Variants in NCOR2 observed in about 807,000 individuals in gnomAD.
NCOR2 encodes the protein CTG repeat protein 26.
Under a neutral mutation model 262.9 loss-of-function variants are expected in NCOR2, and 81 were observed. That is an observed-to-expected ratio of 0.31 (90% CI 0.26 to 0.37). The LOEUF is 0.37. Ranked by LOEUF, NCOR2 falls within the 10% of genes least tolerant of loss-of-function variation. The pLI is 1.00. For synonymous variants in NCOR2, 1,659 were observed against 1,559.3 expected, an observed-to-expected ratio of 1.06 and a Z score of -1.51; for missense variants, 3,385 against 3,621.4, an observed-to-expected ratio of 0.93 and a Z score of 1.68.
Position 124,334,572 on chromosome 12 carries a change from T to C in NCOR2, c.6457A>G (p.Ser2153Gly), listed in dbSNP as rs1380657148. 18 of 1,408,744 alleles carry C rather than the reference T, an allele frequency of 1.3e-5. No individual in the cohort carries two copies. The South Asian group carries it at 1.9e-4, about 15-fold the overall frequency. 87.3% of individuals were successfully genotyped at this position (1,408,744 alleles called of 1,614,324 possible). A position where few individuals can be genotyped will look rare whatever the true frequency, so the allele number is the denominator to read the frequency against. Residue 2153 changes from serine to glycine, a missense_variant, in exon 41 of 47, where the codon AGC becomes GGC. Ser to Gly is a moderately conservative substitution (Grantham distance 56). Transcript: ENST00000405201. Reference sequence around the variant, plus strand: ...TAGAGGGGGGCGGGCAGGGGTGCGCTGAGCTGCTGTGGGTGGTGCCGGGTG... The same window carrying C: ...TAGAGGGGGGCGGGCAGGGGTGCGCCGAGCTGCTGTGGGTGGTGCCGGGTG...
In NCOR2 at chr12:124,416,062, A is replaced by C. The variant is rs1002497931; in HGVS notation, c.1482+3895T>G. 2.0e-5 allele frequency among the ~76,000 whole-genome samples: 3 copies of C among 152,246 alleles called. 1 individual carries two copies. The highest frequency in any genetic ancestry group is 6.5e-5 in the Admixed American group (1 of 15,294). On this transcript the variant is annotated intron_variant, in intron 13 of 46. Coordinates refer to ENST00000405201, the Ensembl canonical transcript of NCOR2. ...TTTCCAGCTCGTCATCAAAGATCAG[A>C]ACACCTGGCAATTCAGGGCCAATGG...
Position 124,457,432 on chromosome 12 carries a change from G to A in NCOR2, c.706-270C>T, listed in dbSNP as rs535370604. 3.9e-5 allele frequency among the ~76,000 whole-genome samples: 6 copies of A among 152,194 alleles called. No individual in the cohort carries two copies. Among genetic ancestry groups the A allele is most frequent in the South Asian group, 2.1e-4 (1 of 4,824 alleles). On this transcript the variant is annotated intron_variant, in intron 5 of 46. Transcript: ENST00000405201. This position sits in a 1 kb window ranked among gnomAD's most constrained non-coding sequence, Gnocchi z 4.0. ...CCGGGTCCACTGAAGCCTGCTCCCCGGCAGGCGCGCAGGCCTCGCTCCCCC... is the reference window on the plus strand; with the variant it reads ...CCGGGTCCACTGAAGCCTGCTCCCCAGCAGGCGCGCAGGCCTCGCTCCCCC...
chr12:124,387,190 T>C (rs1473003103), intron 16 of NCOR2, among the ~76,000 whole-genome samples: 1 of 152,162 alleles, frequency 6.6e-6, no homozygotes, highest in African/African-American at 2.4e-5. Context: ...CCGTCTGTGT[T>C]GGTATTTTCA....
chr12:124,489,442 A>T (rs540145115), intron 1 of NCOR2, among the ~76,000 whole-genome samples: 1 of 152,314 alleles, frequency 6.6e-6, no homozygotes, highest in East Asian at 1.9e-4. Flanking sequence ...TCACACAGCA[A>T]TAAGGGGTAC....
chr12:124,394,248 T>C (rs553238510), intron 16 of NCOR2, among the ~76,000 whole-genome samples: 1 of 152,138 alleles, frequency 6.6e-6, no homozygotes, highest in African/African-American at 2.4e-5. Context: ...CCCTGGGAGG[T>C]AGCATCCCTG....
At chr12:124,327,455 G>A (rs373299771) in exon 45 of NCOR2, 17 of 1,613,036 alleles carry the variant, frequency 1.1e-5, no homozygotes, top group Non-Finnish European at 1.4e-5. Flanking sequence ...CAGCGGTTAT[G>A]GGCATAGCAG....
chr12:124,371,352 A>G (rs1628903), intron 20 of NCOR2, among the ~76,000 whole-genome samples: 148,485 of 152,290 alleles, frequency 0.98, 72,440 homozygotes, highest in Non-Finnish European at 0.99. Flanking sequence ...GAGAAGGTAC[A>G]TTCAAGTCCT....
At chr12:124,502,201 C>T (rs569624579) in intron 1 of NCOR2, among the ~76,000 whole-genome samples, 2 of 152,328 alleles carry the variant, frequency 1.3e-5, no homozygotes, top group South Asian at 4.1e-4. Flanking sequence ...AGAGGGGCCC[C>T]CACAGCCAAT....
rs956987989 is a variant in NCOR2 at position 124,352,659 on chromosome 12, G to A, written c.3693+1434C>T. Among the ~76,000 whole-genome samples the A allele has an allele frequency of 1.1e-4, 17 of 152,340 alleles. 1 individual carries two copies. The highest frequency in any genetic ancestry group is 6.8e-3 in the Middle Eastern group (2 of 294). ...GCTGGGTTGACAGGCAAGAGCCACC[G>A]TGTCCAGCTTGATGTTTTTGAGCTA... is the stretch of plus-strand genomic sequence containing the variant. On this transcript the variant is annotated intron_variant, in intron 27 of 46. Transcript: ENST00000405201.
chr12:124,326,331 C>G (rs1057391751), exon 46 of NCOR2: 1 of 1,534,664 alleles, frequency 6.5e-7, no homozygotes, highest in South Asian at 1.2e-5. Context: ...GGCTTTTCGG[C>G]TGCTGGGTCT....
chr12:124,438,952 G>C (rs991309092), intron 7 of NCOR2, among the ~76,000 whole-genome samples: 1 of 124,802 alleles, frequency 8.0e-6, no homozygotes, highest in Non-Finnish European at 1.7e-5. Flanking sequence ...GGGAGAGAGA[G>C]ACCCAGAGAC....
At chr12:124,437,816 C>G (rs2044446678) in intron 8 of NCOR2, 114 bp downstream of exon 10, 1 of 988,806 alleles carries the variant, frequency 1.0e-6, no homozygotes, top group African/African-American at 1.6e-5. Flanking sequence ...AGCCTGGACA[C>G]TCAGGGAGGA....
intron 22 of NCOR2, among the ~76,000 whole-genome samples, chr12:124,361,886 G>T (rs925901430): frequency 6.6e-6 from 1 of 152,242 alleles, no homozygotes; most frequent in African/African-American, 2.4e-5. Flanking sequence ...GATTTGCCAC[G>T]GGGTGACTCT....
chr12:124,522,107 TC>T (rs1321328039), intron 1 of NCOR2, among the ~76,000 whole-genome samples: 14 of 152,034 alleles, frequency 9.2e-5, no homozygotes, highest in Admixed American at 6.6e-4. Context: ...TGGGTCCAAC[TC>T]CCAGCAGGTA....
intron 12 of NCOR2, among the ~76,000 whole-genome samples, chr12:124,420,788 T>C (rs1466645997): frequency 6.6e-6 from 1 of 152,158 alleles, no homozygotes; most frequent in African/African-American, 2.4e-5. Context: ...CAATGTAAAA[T>C]GTTTCTGCAA....
chr12:124,523,006 G>A lies in NCOR2; in HGVS notation c.-118+12559C>T, dbSNP rs2050270590. On this transcript the variant is annotated intron_variant, in intron 1 of 46. Coordinates refer to the NCOR2 transcript ENST00000404621. The surrounding 1 kb of genome is among the most constrained non-coding windows in gnomAD (Gnocchi z 4.0). The stretch of plus-strand genomic sequence containing the variant: ...TCCTGGATGGGGAGGCCAGACACAG[G>A]CCATCACCTCTGCCCCTAAATAAAG... Among the ~76,000 whole-genome samples, 1 of 152,148 alleles carries A rather than the reference G, an allele frequency of 6.6e-6. No homozygotes were observed. Among genetic ancestry groups the A allele is most frequent in the African/African-American group, 2.4e-5 (1 of 41,432 alleles).
exon 32 of NCOR2, chr12:124,344,859 G>A (rs1218894162): frequency 1.3e-6 from 2 of 1,573,542 alleles, no homozygotes; most frequent in Non-Finnish European, 1.7e-6. Context: ...GCACGGGTGG[G>A]AACGTCCGGC....
chr12:124,412,244 C>G (rs567900608), intron 13 of NCOR2, among the ~76,000 whole-genome samples: 1 of 152,234 alleles, frequency 6.6e-6, no homozygotes, highest in Non-Finnish European at 1.5e-5. Flanking sequence ...ACGTAACCAT[C>G]GAAATGACAC....
At chr12:124,390,930 C>A (rs1462908708) in intron 16 of NCOR2, among the ~76,000 whole-genome samples, 1 of 152,258 alleles carries the variant, frequency 6.6e-6, no homozygotes, top group Non-Finnish European at 1.5e-5. Flanking sequence ...GAGTGGAGAG[C>A]CAGGCGCAGG....
Sources: gnomAD v4.1 joint callset for allele counts (sites outside exome capture counted in the v4.1 genomes callset) on GRCh38, gnomAD v4.1.1 for gene constraint, Gnocchi (gnomAD v3.1) non-coding constraint, MANE v1.5 for transcripts, NCBI Gene and HGNC (gene_info 2026-07-23, HGNC 2026-07-21) for gene names.